The following NINL variants were observed in gnomAD, a reference collection of about 807,000 sequenced individuals.
NINL encodes ninein-like protein.
Under a neutral mutation model 160.3 loss-of-function variants are expected in NINL, and 153 were observed. The observed-to-expected ratio is 0.95, with a 90% CI of 0.84 to 1.09. The LOEUF is 1.09. Ranked by LOEUF, NINL falls within the 50% of genes least tolerant of loss-of-function variation. The probability of loss-of-function intolerance (pLI) is 0.00; values close to 1 mark genes in which losing one functional copy is unlikely to be tolerated. For missense variants in NINL, 1,829 were observed against 1,764.0 expected (o/e 1.04, Z -0.66); for synonymous variants, 800 against 734.8 (o/e 1.09, Z -1.43).
chr20:25,502,108 A>T (rs1260098215), intron 7 of NINL, among the ~76,000 whole-genome samples: 39 of 152,120 alleles, frequency 2.6e-4, no homozygotes, highest in Admixed American at 2.6e-3. Context: ...CAGCCTCCTG[A>T]GTAGCTGGGA....
chr20:25,509,072 A>G (rs1451350037), intron 5 of NINL, among the ~76,000 whole-genome samples: 1 of 152,076 alleles, frequency 6.6e-6, no homozygotes, highest in African/African-American at 2.4e-5. Flanking sequence ...GACAGCTCTG[A>G]TCAATAGAAT....
At chr20:25,575,966 C>T (rs146325380) in intron 1 of NINL, among the ~76,000 whole-genome samples, 3 of 152,170 alleles carry the variant, frequency 2.0e-5, no homozygotes, top group African/African-American at 7.2e-5. Flanking sequence ...GACTTTGTGC[C>T]CCTGTATCCC....
intron 23 of NINL, among the ~76,000 whole-genome samples, chr20:25,455,414 G>A (rs928726942): frequency 1.3e-5 from 2 of 152,230 alleles, no homozygotes; most frequent in African/African-American, 4.8e-5. Flanking sequence ...AGAGGTGCTT[G>A]GGGATGCCTG....
At chr20:25,453,771 C>T in intron 23 of NINL, 129 bp from the exon 24 acceptor site, 1 of 797,908 alleles carries the variant, frequency 1.3e-6, no homozygotes, top group Non-Finnish European at 1.9e-6. Flanking sequence ...TGACCCAAGG[C>T]CGGGGGCAGT....
intron 1 of NINL, among the ~76,000 whole-genome samples, chr20:25,530,389 T>C (rs937328074): frequency 7.2e-5 from 11 of 152,214 alleles, no homozygotes; most frequent in Non-Finnish European, 2.9e-5. Context: ...TGCTCTTGTG[T>C]GCAGGGCTGT....
At chr20:25,486,097 A>T (rs1450521522) in intron 13 of NINL, among the ~76,000 whole-genome samples, 1 of 152,272 alleles carries the variant, frequency 6.6e-6, no homozygotes, top group African/African-American at 2.4e-5. Flanking sequence ...AGGCAGAGGC[A>T]ACAGGGTGAA....
At chr20:25,556,275 C>A (rs369204493) in intron 1 of NINL, among the ~76,000 whole-genome samples, 3 of 152,000 alleles carry the variant, frequency 2.0e-5, no homozygotes, top group African/African-American at 7.3e-5. Flanking sequence ...CAGAGCAAGA[C>A]CCTGTCTCAA....
chr20:25,521,813 C>A lies in NINL; in HGVS notation c.181-3964G>T, dbSNP rs118161109. Among the ~76,000 whole-genome samples, 560 of 152,270 alleles carry A rather than the reference C, an allele frequency of 3.7e-3. 7 individuals carry two copies. Among genetic ancestry groups the A allele is most frequent in the Non-Finnish European group, 6.2e-3 (420 of 68,022 alleles). Reference sequence around the variant, plus strand: ...CATATGTTTCTGGGGCTCTTTGAGGCCCCCAAGGTCACAGATCAATTTCTC... The same window carrying A: ...CATATGTTTCTGGGGCTCTTTGAGGACCCCAAGGTCACAGATCAATTTCTC... On this transcript the variant is annotated intron_variant, in intron 2 of 23. Coordinates refer to ENST00000278886, the MANE Select transcript of NINL (RefSeq NM_025176.6).
intron 1 of NINL, among the ~76,000 whole-genome samples, chr20:25,544,760 G>T (rs1471987704): frequency 6.6e-6 from 1 of 152,192 alleles, no homozygotes; most frequent in Admixed American, 6.5e-5. Context: ...CCTCTGGCAG[G>T]AACCAAGCTG....
chr20:25,559,766 A>G (rs568933496), intron 1 of NINL, among the ~76,000 whole-genome samples: 65 of 146,614 alleles, frequency 4.4e-4, no homozygotes, highest in African/African-American at 1.6e-3. Flanking sequence ...ACACCCGACT[A>G]TTTTTTTTTT....
intron 1 of NINL, among the ~76,000 whole-genome samples, chr20:25,530,357 C>A (rs546442871): frequency 1.6e-4 from 24 of 152,266 alleles, no homozygotes; most frequent in African/African-American, 4.8e-4. Flanking sequence ...TCCCTGCCTC[C>A]CTCATTTTAA....
chr20:25,517,637 A>C lies in NINL; in HGVS notation c.277+116T>G, dbSNP rs1191463315. ...TCCAAGTCCATATACCTTGGGGGTG[A>C]CAGAAAGTAAGGTAGAATTCAGTTT... is the stretch of plus-strand genomic sequence containing the variant. On this transcript the variant is annotated intron_variant, in intron 3 of 23. Coordinates refer to ENST00000278886, the MANE Select transcript of NINL (RefSeq NM_025176.6). 3 of 747,630 alleles carry C rather than the reference A, an allele frequency of 4.0e-6. No individual in the cohort carries two copies. In the African/African-American group the frequency reaches 5.4e-5, roughly 14 times the overall value. 46.3% of individuals were successfully genotyped at this position (747,630 alleles called of 1,614,324 possible).
At chr20:25,514,574 G>A (rs893827024) in intron 3 of NINL, among the ~76,000 whole-genome samples, 6 of 152,312 alleles carry the variant, frequency 3.9e-5, no homozygotes, top group South Asian at 2.1e-4. Context: ...AAGAGGAGCC[G>A]GATGTTAATA....
intron 21 of NINL, among the ~76,000 whole-genome samples, chr20:25,460,790 G>A (rs1285825337): frequency 6.6e-6 from 1 of 152,158 alleles, no homozygotes; most frequent in Non-Finnish European, 1.5e-5. Flanking sequence ...AGGTGCAGAG[G>A]CTCAGCCGAG....
At chr20:25,480,317 G>T (rs757064247) in intron 14 of NINL, 50 bp from the exon 15 acceptor site, 1 of 1,487,984 alleles carries the variant, frequency 6.7e-7, no homozygotes, top group South Asian at 1.1e-5. Context: ...TGCCACGGGG[G>T]CCCCTTCCAA....
At chr20:25,469,217 C>T (rs75838463) in intron 18 of NINL, among the ~76,000 whole-genome samples, 2 of 86,518 alleles carry the variant, frequency 2.3e-5, no homozygotes, top group African/African-American at 4.8e-5. Context: ...CACTGGTGGG[C>T]GCCCGCCTGC....
rs766758613 is a variant in NINL, at chr20:25,489,239, C to G, written c.1677+5G>C. 4 of 1,613,990 alleles carry G rather than the reference C, an allele frequency of 2.5e-6. No individual in the cohort carries two copies. The highest frequency in any genetic ancestry group is 1.7e-5 in the Admixed American group (1 of 60,030). On this transcript the variant is annotated splice_donor_5th_base_variant and intron_variant, in intron 13 of 23. Coordinates refer to ENST00000278886, the MANE Select transcript of NINL (RefSeq NM_025176.6). ...GACTAAAAGGCAGACAGAGCAGGCA[C>G]GTACCCGGCACTTGAGCTCGTATTC...
chr20:25,475,271 CA>C (rs1271687613), intron 17 of NINL, among the ~76,000 whole-genome samples: 1 of 151,798 alleles, frequency 6.6e-6, no homozygotes, highest in South Asian at 2.1e-4. Flanking sequence ...AAACAAAAAA[CA>C]AAAAAACCTC....
chr20:25,465,948 G>T (rs956101481), intron 19 of NINL, among the ~76,000 whole-genome samples: 2 of 152,208 alleles, frequency 1.3e-5, no homozygotes, highest in Admixed American at 1.3e-4. Flanking sequence ...GGCGAGGCGG[G>T]AGATGCACTT....
Sources: gnomAD v4.1 joint callset for allele counts (sites outside exome capture counted in the v4.1 genomes callset) on GRCh38, gnomAD v4.1.1 for gene constraint, MANE v1.5 for transcripts, NCBI Gene and HGNC (gene_info 2026-07-23, HGNC 2026-07-21) for gene names.